Variants in AFMID observed in about 807,000 individuals in gnomAD.
AFMID encodes the protein kynurenine formamidase.
In AFMID, 39 loss-of-function variants were observed where a neutral mutation model predicts 47.5. The observed-to-expected ratio is 0.82, with a 90% CI of 0.64 to 1.07. The LOEUF (loss-of-function observed/expected upper bound fraction) is 1.07. AFMID is among the 50% of genes least tolerant of loss of function. The probability of loss-of-function intolerance (pLI) is 0.00; values close to 1 mark genes in which losing one functional copy is unlikely to be tolerated. For missense variants in AFMID, 375 were observed against 387.5 expected (o/e 0.97, Z 0.27); for synonymous variants, 130 against 153.2 (o/e 0.85, Z 1.12).
In AFMID at chr17:78,207,006, A is replaced by G. The variant is rs1432979611; in HGVS notation, c.*69A>G. On this transcript the variant is annotated 3_prime_UTR_variant, in exon 11 of 11. Transcript: ENST00000409257. Reference sequence around the variant, plus strand: ...GGAAGCCTCTCCAAAGAGCTTTCGGAGCTGACACTGACAGCTTCAGTTTCC... The same window carrying G: ...GGAAGCCTCTCCAAAGAGCTTTCGGGGCTGACACTGACAGCTTCAGTTTCC... The G allele has an allele frequency of 6.5e-7, 1 of 1,530,554 alleles. No homozygotes were observed. Among genetic ancestry groups the G allele is most frequent in the Non-Finnish European group, 9.1e-7 (1 of 1,104,088 alleles). The allele number at this position is 1,530,554 out of a possible 1,614,324, so 94.8% of individuals were successfully genotyped here. A position where few individuals can be genotyped will look rare whatever the true frequency, so the allele number is the denominator to read the frequency against.
intron 6 of AFMID, 40 bp downstream of exon 6, chr17:78,204,940 G>A: frequency 1.9e-6 from 3 of 1,612,298 alleles, no homozygotes; most frequent in Non-Finnish European, 2.5e-6. Flanking sequence ...TTGGACCTCA[G>A]TGGGTGGGAG....
Position 78,207,115 on chromosome 17 carries a change from C to G in AFMID, c.*178C>G, listed in dbSNP as rs962142238. 1.5e-6 allele frequency: 1 copy of G among 687,234 alleles called. No homozygotes were observed. The highest frequency in any genetic ancestry group is 1.7e-5 in the South Asian group (1 of 59,118). The allele number at this position is 687,234 out of a possible 1,614,324, so 42.6% of individuals were successfully genotyped here. ...GCTGGGACACTCATGAAAATCTCCACGTCCTCCCTCTTCCCAGCCTGGATG... is the reference window on the plus strand; with the variant it reads ...GCTGGGACACTCATGAAAATCTCCAGGTCCTCCCTCTTCCCAGCCTGGATG... On this transcript the variant is annotated 3_prime_UTR_variant, in exon 11 of 11. Transcript: ENST00000409257.
In AFMID at chr17:78,205,079, C is replaced by T; in HGVS notation, c.468-14C>T. 1 of 1,603,672 alleles carries T rather than the reference C, an allele frequency of 6.2e-7. No homozygotes were observed. Among genetic ancestry groups the T allele is most frequent in the Non-Finnish European group, 8.5e-7 (1 of 1,174,526 alleles). ...CTGCGTGCAAATCCAGCTCTCTGCT[C>T]TGACCCCTCCCAGGGGAATTTACCT... is the stretch of plus-strand genomic sequence containing the variant. On this transcript the variant is annotated splice_polypyrimidine_tract_variant and intron_variant, in intron 6 of 10. Transcript: ENST00000409257.
At chr17:78,204,999 G>A in intron 6 of AFMID, 94 bp from the exon 7 acceptor site, 1 of 1,575,894 alleles carries the variant, frequency 6.3e-7, no homozygotes, top group Non-Finnish European at 8.7e-7. Flanking sequence ...CCTCTGGCCT[G>A]TGGAGCAGAA....
rs760480917 is a variant in AFMID, at chr17:78,202,588, G to A, written c.244G>A (p.Asp82Asn). The change falls in exon 3 of 11, where the codon GAC (aspartate) becomes AAC (asparagine). Residue 82 changes from aspartate (D) to asparagine (N), a missense_variant. Physicochemically the swap from Asp to Asn is conservative, Grantham distance 23 (BLOSUM62 1). Transcript: ENST00000409257. ...EGEKVDIYFP[D>N]ESSEALPFFL... ...GGAGAAAGTGGACATTTACTTCCCC[G>A]ACGAGTCGTCTGAAGGTTGTCGGTG... The A allele has an allele frequency of 2.1e-5, 34 of 1,613,888 alleles. No homozygotes were observed. Among genetic ancestry groups the A allele is most frequent in the African/African-American group, 4.0e-5 (3 of 74,904 alleles).
chr17:78,196,578 C>G (rs1387447258), intron 2 of AFMID, among the ~76,000 whole-genome samples: 1 of 151,990 alleles, frequency 6.6e-6, no homozygotes, highest in Non-Finnish European at 1.5e-5. Context: ...ACCGGGGAGG[C>G]TGAAGTGGGA....
Position 78,202,575 on chromosome 17 carries a change from C to T in AFMID, c.231C>T (p.Asp77=). ...PYGDGEGEKV[D]IYFPDESSEA... ...GAGACGGCGAAGGGGAGAAAGTGGA[C>T]ATTTACTTCCCCGACGAGTCGTCTG... Residue 77 remains aspartate (D), a synonymous_variant, in exon 3 of 11, where the codon GAC becomes GAT. Transcript: ENST00000409257. The T allele has an allele frequency of 6.2e-7, 1 of 1,613,796 alleles. No homozygotes were observed. The highest frequency in any genetic ancestry group is 1.1e-5 in the South Asian group (1 of 91,076).
intron 2 of AFMID, among the ~76,000 whole-genome samples, chr17:78,193,763 G>T (rs933252102): frequency 6.6e-6 from 1 of 152,002 alleles, no homozygotes; most frequent in African/African-American, 2.4e-5. Context: ...AGATCACAAG[G>T]TCAGGAGATT....
intron 2 of AFMID, among the ~76,000 whole-genome samples, chr17:78,200,586 C>CACGTGAAGACGGAGGCAGAG (rs2076220889): frequency 6.7e-6 from 1 of 148,896 alleles, no homozygotes; most frequent in Non-Finnish European, 1.5e-5. Context: ...GGGAGGGGAC[C>CACGTGAAGACGGAGGCAGAG]ACGTGAAGAC....
At chr17:78,191,649 G>T (rs1278786045) in intron 2 of AFMID, among the ~76,000 whole-genome samples, 9 of 151,062 alleles carry the variant, frequency 6.0e-5, no homozygotes, top group Admixed American at 5.9e-4. Context: ...TGCCAGCCTG[G>T]GTAACAGTGA....
Position 78,202,500 on chromosome 17 carries a change from C to T in AFMID, c.156C>T (p.Ala52=), listed in dbSNP as rs942712353. ...LRTYSQIGIE[A]TTRARATRKS... ...GCGACTTGTCCATTTCTGAGACAGC[C>T]ACCACAAGGGCCCGGGCCACCAGGA... The change falls in exon 3 of 11, where the codon GCC becomes GCT. Residue 52 remains alanine (A), a splice_region_variant and synonymous_variant. Transcript: ENST00000409257. 3 of 1,614,052 alleles carry T rather than the reference C, an allele frequency of 1.9e-6. No homozygotes were observed. The highest frequency in any genetic ancestry group is 2.5e-6 in the Non-Finnish European group (3 of 1,179,990).
At chr17:78,192,310 C>CTTTTT (rs756391509) in intron 2 of AFMID, among the ~76,000 whole-genome samples, 11 of 77,740 alleles carry the variant, frequency 1.4e-4, no homozygotes, top group Non-Finnish European at 2.2e-4. Context: ...CATGGCTGGA[C>CTTTTT]TTTTTTTTTT....
chr17:78,197,049 C>T (rs1217070479), intron 2 of AFMID: 2 of 1,019,118 alleles, frequency 2.0e-6, no homozygotes, highest in South Asian at 1.4e-5. Flanking sequence ...TAATGAACAC[C>T]TATAGCTGCT....
chr17:78,190,135 T>C (rs986903745), intron 1 of AFMID, among the ~76,000 whole-genome samples: 1 of 151,882 alleles, frequency 6.6e-6, no homozygotes, highest in African/African-American at 2.4e-5. Context: ...CCTCTGTTTT[T>C]TTTTTTCTTT....
Position 78,193,489 on chromosome 17 carries a change from C to G in AFMID, c.154+2429C>G, listed in dbSNP as rs142276116. On this transcript the variant is annotated intron_variant, in intron 2 of 10. Transcript: ENST00000409257. ...GAAAGAATGTCAGATGTAAAAAGCA[C>G]GCACTATTGAAACTTCAAGTCATAT... 2.3e-4 allele frequency among the ~76,000 whole-genome samples: 34 copies of G among 149,028 alleles called. No homozygotes were observed. The East Asian group carries it at 2.4e-3, about 10-fold the overall frequency.
chr17:78,197,053 A>G (rs1309942413), intron 2 of AFMID: 1 of 1,056,374 alleles, frequency 9.5e-7, no homozygotes, highest in African/African-American at 1.6e-5. Context: ...GAACACCTAT[A>G]GCTGCTTGGT....
At position 78,205,448 on chromosome 17, in the gene AFMID, C is replaced by T. The variant is rs370072059; in HGVS notation, c.574C>T (p.Leu192=). ...ATTCTGTACCTTCACAGGCTTTTTC[C>T]TGGTGAGTGGGGTCTTTGACCTGGA... is the stretch of plus-strand genomic sequence containing the variant. The part of the protein sequence containing the change: ...GVTPNLRGFF[L]VSGVFDLEPI... Residue 192 remains leucine, a synonymous_variant, in exon 8 of 11, where the codon CTG becomes TTG. Transcript: ENST00000409257. The T allele has an allele frequency of 6.2e-4, 1,006 of 1,614,202 alleles. 2 individuals are homozygous for T. The highest frequency in any genetic ancestry group is 1.7e-3 in the South Asian group (157 of 91,090).
chr17:78,198,444 CAA>C (rs572015460), intron 2 of AFMID, among the ~76,000 whole-genome samples: 7 of 139,262 alleles, frequency 5.0e-5, no homozygotes, highest in Non-Finnish European at 6.3e-5. Flanking sequence ...ACTACAAATA[CAA>C]AAAAAAAAAA....
At chr17:78,191,824 G>A (rs555820903) in intron 2 of AFMID, among the ~76,000 whole-genome samples, 50 of 151,986 alleles carry the variant, frequency 3.3e-4, no homozygotes, top group Admixed American at 1.2e-3. Context: ...TGAGTAGCTG[G>A]GACTATAGGC....
Sources: gnomAD v4.1 joint callset for allele counts (sites outside exome capture counted in the v4.1 genomes callset) on GRCh38, gnomAD v4.1.1 for gene constraint, MANE v1.5 for transcripts, NCBI Gene and HGNC (gene_info 2026-07-23, HGNC 2026-07-21) for gene names.